WWOX: variants seen among roughly 807,000 people sequenced by gnomAD.
The protein encoded by WWOX is WW domain containing oxidoreductase.
In WWOX, 69 loss-of-function variants were observed where a neutral mutation model predicts 46.2. That is an observed-to-expected ratio of 1.49 (90% CI 1.23 to 1.82). The LOEUF is 1.82. Among genes scored for constraint, WWOX ranks in the 40% most tolerant of loss-of-function variants. WWOX has a pLI of 0.00. For missense variants in WWOX, 919 were observed against 542.6 expected (o/e 1.69, Z -6.89); for synonymous variants, 359 against 202.6 (o/e 1.77, Z -6.56).
intron 8 of WWOX, among the ~76,000 whole-genome samples, chr16:78,632,319 T>TA (rs1475938583): frequency 2.0e-5 from 3 of 152,140 alleles, no homozygotes; most frequent in African/African-American, 7.2e-5. Flanking sequence ...ACACGTAGAA[T>TA]AGTATTTGAC....
chr16:78,378,753 T>C (rs2081886660), intron 5 of WWOX, among the ~76,000 whole-genome samples: 1 of 152,212 alleles, frequency 6.6e-6, no homozygotes, highest in African/African-American at 2.4e-5. Flanking sequence ...GATTAGAATT[T>C]GCAGGATGCC....
chr16:78,948,019 C>T (rs186638713), intron 8 of WWOX, among the ~76,000 whole-genome samples: 9 of 152,226 alleles, frequency 5.9e-5, no homozygotes, highest in African/African-American at 1.7e-4. Context: ...AAGGGTGGGA[C>T]GATGGAGGCC....
intron 5 of WWOX, among the ~76,000 whole-genome samples, chr16:78,211,510 C>T (rs1206608598): frequency 6.6e-6 from 1 of 152,084 alleles, no homozygotes; most frequent in Non-Finnish European, 1.5e-5. Flanking sequence ...AATAAAGTCC[C>T]CGGCATCTTG....
At chr16:78,607,641 C>A (rs951834805) in intron 8 of WWOX, among the ~76,000 whole-genome samples, 2 of 110,250 alleles carry the variant, frequency 1.8e-5, no homozygotes, top group Non-Finnish European at 4.0e-5. Flanking sequence ...CTCATTTGTT[C>A]TTCTTTTTTT....
intron 8 of WWOX, among the ~76,000 whole-genome samples, chr16:78,734,870 T>TTTTTTTTTTTTTTTG (rs2049049363): frequency 1.1e-5 from 1 of 94,564 alleles, no homozygotes; most frequent in Non-Finnish European, 2.0e-5. Flanking sequence ...TTTTTTTTTT[T>TTTTTTTTTTTTTTTG]TTTTTTTTTT....
At chr16:78,911,200 A>G (rs1267202372) in intron 8 of WWOX, among the ~76,000 whole-genome samples, 1 of 151,870 alleles carries the variant, frequency 6.6e-6, no homozygotes, top group South Asian at 2.1e-4. Flanking sequence ...TCCAGTTATC[A>G]AAAAGGATCT....
intron 8 of WWOX, among the ~76,000 whole-genome samples, chr16:78,990,064 G>C (rs1248304680): frequency 6.6e-6 from 1 of 151,810 alleles, no homozygotes; most frequent in East Asian, 1.9e-4. Context: ...GACGCTTGTA[G>C]TCTCAGCTAC....
At chr16:79,084,885 C>T (rs144767218) in intron 8 of WWOX, among the ~76,000 whole-genome samples, 28 of 152,264 alleles carry the variant, frequency 1.8e-4, no homozygotes, top group Middle Eastern at 3.4e-3. Context: ...TTTACAGACA[C>T]GGTCACCCTG....
intron 8 of WWOX, among the ~76,000 whole-genome samples, chr16:79,061,097 G>C (rs1938903442): frequency 6.6e-6 from 1 of 152,188 alleles, no homozygotes; most frequent in Admixed American, 6.5e-5. Flanking sequence ...GAACGCAAGA[G>C]AGGTACATTG....
At chr16:78,380,771 C>T (rs1370261967) in intron 5 of WWOX, among the ~76,000 whole-genome samples, 2 of 152,054 alleles carry the variant, frequency 1.3e-5, no homozygotes, top group Non-Finnish European at 2.9e-5. Context: ...ACTAAATATA[C>T]AAGAAGCAGT....
intron 8 of WWOX, among the ~76,000 whole-genome samples, chr16:78,603,899 C>G (rs2045683195): frequency 1.3e-5 from 2 of 151,956 alleles, no homozygotes; most frequent in Admixed American, 6.6e-5. Context: ...CCCAGCACTT[C>G]AGGAGGCTGA....
intron 8 of WWOX, among the ~76,000 whole-genome samples, chr16:78,963,487 C>T (rs2046310082): frequency 6.6e-6 from 1 of 152,110 alleles, no homozygotes; most frequent in South Asian, 2.1e-4. Flanking sequence ...AACAAATAAA[C>T]AAACAAAAAG....
intron 8 of WWOX, among the ~76,000 whole-genome samples, chr16:79,063,867 A>G (rs1052384891): frequency 1.3e-5 from 2 of 152,206 alleles, no homozygotes; most frequent in African/African-American, 2.4e-5. Flanking sequence ...CTCTTCCTGA[A>G]ATCAATTTTA....
At position 78,337,628 on chromosome 16, in the gene WWOX, T is replaced by C. The variant is rs187494160; in HGVS notation, c.517-49232T>C. Among the ~76,000 whole-genome samples, 5 of 152,292 alleles carry C rather than the reference T, an allele frequency of 3.3e-5. No individual in the cohort carries two copies. The East Asian group carries it at 9.7e-4, about 29-fold the overall frequency. ...TTCATACAGCGTAGTTTCACGCCTC[T>C]AAAAGTCCCCTGAAAGTGTTATTAA... On this transcript the variant is annotated intron_variant, in intron 5 of 8. Coordinates refer to ENST00000566780, the MANE Select transcript of WWOX (RefSeq NM_016373.4).
rs74029882 is a variant in WWOX at position 78,312,284 on chromosome 16, G to C, written c.517-74576G>C. On this transcript the variant is annotated intron_variant, in intron 5 of 8. Coordinates refer to ENST00000566780, the MANE Select transcript of WWOX (RefSeq NM_016373.4). ...TGAATTCAGCTTTACAGTATCTTTT[G>C]TAGGGGGTAATTTTAGCTTCTTTCT... 2.6e-5 allele frequency among the ~76,000 whole-genome samples: 4 copies of C among 151,698 alleles called. No homozygotes were observed. In the East Asian group the frequency reaches 7.8e-4, roughly 29 times the overall value.
rs113314682 is a variant in WWOX, at chr16:79,034,277, A to G, written c.1057-177331A>G. ...ACTGTCTCAGAAAAAGGCACTCTCT[A>G]TAAATGAAAAGCACCATTATTAGTA... On this transcript the variant is annotated intron_variant, in intron 8 of 8. Transcript: ENST00000566780. 3.2e-4 allele frequency among the ~76,000 whole-genome samples: 49 copies of G among 152,386 alleles called. 1 individual carries two copies. The highest frequency in any genetic ancestry group is 1.2e-3 in the African/African-American group (48 of 41,588).
intron 8 of WWOX, among the ~76,000 whole-genome samples, chr16:78,948,481 G>A (rs2045992244): frequency 6.6e-6 from 1 of 152,060 alleles, no homozygotes; most frequent in African/African-American, 2.4e-5. Flanking sequence ...TTCTGCTTTT[G>A]AGAACCTCCC....
At chr16:78,455,228 C>T (rs74028008) in intron 8 of WWOX, among the ~76,000 whole-genome samples, 18,234 of 152,128 alleles carry the variant, frequency 0.12, 1,699 homozygotes, top group African/African-American at 0.25. Flanking sequence ...TTGACACAAA[C>T]GAGAGAATTT....
Position 78,508,526 on chromosome 16 carries a change from G to A in WWOX, c.1056+75774G>A, listed in dbSNP as rs556315066. On this transcript the variant is annotated intron_variant, in intron 8 of 8. Coordinates refer to ENST00000566780, the MANE Select transcript of WWOX (RefSeq NM_016373.4). The stretch of plus-strand genomic sequence containing the variant: ...GTTGGCCAGCCTGGCCTTGATGTCG[G>A]AGTGTTCTCTAGACCTCACACCCAG... Among the ~76,000 whole-genome samples, 270 of 152,166 alleles carry A rather than the reference G, an allele frequency of 1.8e-3. 1 individual carries two copies. The highest frequency in any genetic ancestry group is 3.0e-3 in the Admixed American group (46 of 15,292).
Sources: allele counts gnomAD v4.1 joint callset (sites outside exome capture counted in the v4.1 genomes callset), GRCh38; gene constraint gnomAD v4.1.1; transcripts MANE v1.5; gene names NCBI Gene and HGNC (gene_info 2026-07-23, HGNC 2026-07-21).